AGMO: variants seen among roughly 807,000 people sequenced by gnomAD.
The protein encoded by AGMO is alkylglycerol monooxygenase.
In AGMO, 75 loss-of-function variants were observed where a neutral mutation model predicts 60.2. The observed-to-expected ratio is 1.25, with a 90% CI of 1.03 to 1.51. AGMO has a LOEUF of 1.51. Ranked by LOEUF, AGMO falls within the 40% of genes most tolerant of loss-of-function variation. The pLI, the probability that AGMO is intolerant of heterozygous loss-of-function variation, is 0.00. For synonymous variants in AGMO, 261 were observed against 177.1 expected (o/e 1.47, Z -3.76); for missense variants, 763 against 525.5 (o/e 1.45, Z -4.42).
chr7:15,265,897 T>C (rs1371543603), intron 12 of AGMO, among the ~76,000 whole-genome samples: 1 of 152,088 alleles, frequency 6.6e-6, no homozygotes, highest in African/African-American at 2.4e-5. Context: ...CACCAACAGA[T>C]GAAGAGATAA....
At chr7:15,203,843 A>T (rs555235606) in intron 12 of AGMO, among the ~76,000 whole-genome samples, 1 of 152,230 alleles carries the variant, frequency 6.6e-6, no homozygotes, top group South Asian at 2.1e-4. Flanking sequence ...CTAGGAAATC[A>T]TTTCAAAGAA....
chr7:15,488,801 G>A (rs1025670157), intron 3 of AGMO, among the ~76,000 whole-genome samples: 4 of 151,704 alleles, frequency 2.6e-5, no homozygotes, highest in East Asian at 1.9e-4. Context: ...GGGCACATTC[G>A]GTTGTTTTTT....
chr7:15,504,335 A>G (rs560563664), intron 3 of AGMO, among the ~76,000 whole-genome samples: 2 of 152,112 alleles, frequency 1.3e-5, no homozygotes, highest in East Asian at 3.9e-4. Context: ...ACTACTCTCC[A>G]AAGAACATTT....
chr7:15,372,673 T>G (rs965728905), intron 10 of AGMO, among the ~76,000 whole-genome samples: 1 of 152,124 alleles, frequency 6.6e-6, no homozygotes, highest in Non-Finnish European at 1.5e-5. Flanking sequence ...AGACTATAAA[T>G]ATTTAGTCTC....
intron 12 of AGMO, among the ~76,000 whole-genome samples, chr7:15,285,311 T>C (rs1230608887): frequency 6.6e-6 from 1 of 152,070 alleles, no homozygotes; most frequent in East Asian, 1.9e-4. Flanking sequence ...GATAATATGA[T>C]TGTATAACTA....
intron 12 of AGMO, among the ~76,000 whole-genome samples, chr7:15,329,714 T>C (rs1781445982): frequency 6.6e-6 from 1 of 152,184 alleles, no homozygotes; most frequent in South Asian, 2.1e-4. Context: ...GTGTGATTTG[T>C]TTTCCCAGAG....
At chr7:15,285,061 C>T (rs954087246) in intron 12 of AGMO, among the ~76,000 whole-genome samples, 7 of 150,904 alleles carry the variant, frequency 4.6e-5, no homozygotes, top group Non-Finnish European at 8.9e-5. Flanking sequence ...ACAAACTAGC[C>T]ATAGTAGGGG....
At chr7:15,419,345 T>C (rs1309089009) in intron 4 of AGMO, among the ~76,000 whole-genome samples, 1 of 152,030 alleles carries the variant, frequency 6.6e-6, no homozygotes, top group Non-Finnish European at 1.5e-5. Context: ...CTGCTTGTTC[T>C]GCTAATGACT....
chr7:15,531,319 T>C (rs1453047664), intron 3 of AGMO, among the ~76,000 whole-genome samples: 1 of 14,306 alleles, frequency 7.0e-5, no homozygotes, highest in African/African-American at 5.0e-4. Flanking sequence ...ATTCTATACA[T>C]ATATTCTATA....
intron 12 of AGMO, among the ~76,000 whole-genome samples, chr7:15,211,653 G>A (rs1781595826): frequency 6.6e-6 from 1 of 151,566 alleles, no homozygotes. Flanking sequence ...CAAAAATATG[G>A]AATAATTTCT....
chr7:15,483,994 A>T (rs954745810), intron 3 of AGMO, among the ~76,000 whole-genome samples: 4 of 152,190 alleles, frequency 2.6e-5, no homozygotes, highest in Admixed American at 2.6e-4. Flanking sequence ...TGAACGTTCC[A>T]ATATATATCT....
the AGMO span, among the ~76,000 whole-genome samples, chr7:15,121,235 G>A: frequency 1.3e-5 from 2 of 152,052 alleles, no homozygotes; most frequent in African/African-American, 4.8e-5. Context: ...TGGGCATTTG[G>A]GTTGGTTCCA....
chr7:15,274,759 G>A (rs936280642), intron 12 of AGMO, among the ~76,000 whole-genome samples: 1 of 148,308 alleles, frequency 6.7e-6, no homozygotes, highest in Admixed American at 6.7e-5. Flanking sequence ...TTGGCATATT[G>A]AGAATTTCTA....
the AGMO span, among the ~76,000 whole-genome samples, chr7:15,121,593 T>C: frequency 2.9e-3 from 447 of 152,230 alleles, 16 homozygotes; most frequent in East Asian, 0.077. Context: ...CTTTTTTTCA[T>C]ATATTTGTCA....
intron 3 of AGMO, among the ~76,000 whole-genome samples, chr7:15,538,693 A>C (rs1375252912): frequency 2.0e-5 from 3 of 152,200 alleles, no homozygotes; most frequent in Admixed American, 6.6e-5. Flanking sequence ...CACCTTCACA[A>C]ATTAAAATAA....
chr7:15,131,105 T>C, the AGMO span, among the ~76,000 whole-genome samples: 3 of 152,092 alleles, frequency 2.0e-5, no homozygotes, highest in Admixed American at 2.0e-4. Flanking sequence ...GGAGGCAACT[T>C]TGGAAACATA....
chr7:15,124,416 A>G, the AGMO span, among the ~76,000 whole-genome samples: 9 of 151,914 alleles, frequency 5.9e-5, no homozygotes, highest in Non-Finnish European at 8.8e-5. Context: ...CCAACAGTCT[A>G]TGTTGTGTTG....
chr7:15,208,040 C>G (rs1051728096), intron 12 of AGMO, among the ~76,000 whole-genome samples: 3 of 152,042 alleles, frequency 2.0e-5, no homozygotes, highest in Admixed American at 2.0e-4. Context: ...ATTATGTCTG[C>G]GATTTATAAA....
At chr7:15,239,497 T>G (rs986709190) in intron 12 of AGMO, among the ~76,000 whole-genome samples, 4 of 152,152 alleles carry the variant, frequency 2.6e-5, no homozygotes, top group African/African-American at 9.7e-5. Flanking sequence ...CTATGAAGGT[T>G]AGGTAATTCT....
Sources: gnomAD v4.1 joint callset for allele counts (sites outside exome capture counted in the v4.1 genomes callset) on GRCh38, gnomAD v4.1.1 for gene constraint, MANE v1.5 for transcripts, NCBI Gene and HGNC (gene_info 2026-07-23, HGNC 2026-07-21) for gene names.